The following PPARGC1A variants were observed in gnomAD, a reference collection of about 807,000 sequenced individuals.
PPARGC1A encodes the protein PPARG coactivator 1 alpha, also known as peroxisome proliferator-activated receptor gamma coactivator 1-alpha.
PPARGC1A carries 25 observed loss-of-function variants against 88.7 expected under a neutral mutation model. That is an observed-to-expected ratio of 0.28 (90% CI 0.21 to 0.39). The LOEUF (loss-of-function observed/expected upper bound fraction) is 0.39. PPARGC1A is among the 10% of genes least tolerant of loss of function. PPARGC1A has a pLI of 1.00. For missense variants in PPARGC1A, 880 were observed against 968.7 expected (o/e 0.91, Z 1.22); for synonymous variants, 363 against 355.6 (o/e 1.02, Z -0.24).
chr4:24,046,202 G>T, the PPARGC1A span, among the ~76,000 whole-genome samples: 1 of 152,130 alleles, frequency 6.6e-6, no homozygotes, highest in Non-Finnish European at 1.5e-5. Flanking sequence ...CTCACTAAAA[G>T]GAGTCAGGAA....
At chr4:24,179,677 T>C in the PPARGC1A span, among the ~76,000 whole-genome samples, 15 of 152,222 alleles carry the variant, frequency 9.9e-5, no homozygotes, top group East Asian at 5.8e-4. Flanking sequence ...CAAGCCCAAA[T>C]TGCAAAACCA....
At position 23,834,038 on chromosome 4, in the gene PPARGC1A, G is replaced by A. The variant is rs376319997; in HGVS notation, c.235-2287C>T. ...AAATTGGCTGGGCACGGTGGTTCAC[G>A]CCTATAATCCCAGCACTTTGGTAGG... On this transcript the variant is annotated intron_variant, in intron 2 of 12. Coordinates refer to ENST00000264867, the MANE Select transcript of PPARGC1A (RefSeq NM_013261.5). Among the ~76,000 whole-genome samples the A allele has an allele frequency of 7.6e-4, 115 of 152,246 alleles. 1 individual carries two copies. In the South Asian group the frequency reaches 0.012, roughly 15 times the overall value.
the PPARGC1A span, among the ~76,000 whole-genome samples, chr4:23,929,842 C>T: frequency 3.3e-5 from 5 of 152,194 alleles, no homozygotes. Context: ...TTTTATTTAG[C>T]ATTCATTGCG....
At chr4:24,463,068 C>A in the PPARGC1A span, among the ~76,000 whole-genome samples, 1 of 152,020 alleles carries the variant, frequency 6.6e-6, no homozygotes, top group African/African-American at 2.4e-5. Flanking sequence ...CGACTTCACA[C>A]GAAGCATCTT....
chr4:24,004,258 A>T, the PPARGC1A span, among the ~76,000 whole-genome samples: 2 of 152,208 alleles, frequency 1.3e-5, no homozygotes, highest in Admixed American at 1.3e-4. Context: ...TCCCAGTTGA[A>T]TAGAGAGGAA....
the PPARGC1A span, among the ~76,000 whole-genome samples, chr4:23,981,215 G>T: frequency 1.3e-4 from 19 of 151,982 alleles, no homozygotes; most frequent in African/African-American, 1.2e-4. Context: ...TTTAGTAAAA[G>T]TGAGTGACTT....
chr4:24,088,428 G>T, the PPARGC1A span, among the ~76,000 whole-genome samples: 45 of 151,980 alleles, frequency 3.0e-4, no homozygotes, highest in African/African-American at 8.7e-4. Flanking sequence ...AGAAGAAGAG[G>T]AGGAAACAAA....
the PPARGC1A span, among the ~76,000 whole-genome samples, chr4:24,156,725 T>G: frequency 6.6e-6 from 1 of 150,604 alleles, no homozygotes; most frequent in Non-Finnish European, 1.5e-5. Flanking sequence ...GTTGCGGTCT[T>G]TTCTCTCTCT....
At chr4:24,171,174 C>T in the PPARGC1A span, among the ~76,000 whole-genome samples, 1 of 152,200 alleles carries the variant, frequency 6.6e-6, no homozygotes, top group African/African-American at 2.4e-5. Context: ...CACTTTGGGA[C>T]ACTGAGACCG....
At chr4:24,028,366 C>A in the PPARGC1A span, among the ~76,000 whole-genome samples, 1 of 152,202 alleles carries the variant, frequency 6.6e-6, no homozygotes, top group South Asian at 2.1e-4. Flanking sequence ...TACCCCAAAT[C>A]ATTATCAAAG....
the PPARGC1A span, among the ~76,000 whole-genome samples, chr4:24,433,583 C>T: frequency 3.9e-5 from 6 of 152,114 alleles, no homozygotes; most frequent in African/African-American, 1.4e-4. Context: ...TGCCTCTTGC[C>T]TAAAGGATTA....
At chr4:24,151,474 C>T in the PPARGC1A span, among the ~76,000 whole-genome samples, 2 of 152,116 alleles carry the variant, frequency 1.3e-5, no homozygotes, top group Admixed American at 1.3e-4. Context: ...CCCAAAGGTC[C>T]ACCTCCATTT....
the PPARGC1A span, among the ~76,000 whole-genome samples, chr4:24,410,172 A>T: frequency 2.4e-4 from 36 of 152,348 alleles, no homozygotes; most frequent in African/African-American, 8.4e-4. Context: ...TGTGAAAATA[A>T]TTAATAAAAT....
At chr4:24,344,610 T>C in the PPARGC1A span, among the ~76,000 whole-genome samples, 2 of 152,102 alleles carry the variant, frequency 1.3e-5, no homozygotes, top group African/African-American at 4.8e-5. Context: ...TGTTTTTTTT[T>C]TCTTACTGAT....
chr4:24,248,857 A>G, the PPARGC1A span, among the ~76,000 whole-genome samples: 2 of 152,212 alleles, frequency 1.3e-5, no homozygotes, highest in African/African-American at 4.8e-5. Context: ...CCCTAAGGTC[A>G]GGAATGCACA....
At chr4:24,165,721 G>T in the PPARGC1A span, among the ~76,000 whole-genome samples, 1 of 152,112 alleles carries the variant, frequency 6.6e-6, no homozygotes, top group African/African-American at 2.4e-5. Flanking sequence ...GTATTAGGGT[G>T]CCATGATCCA....
chr4:24,462,178 C>T, the PPARGC1A span, among the ~76,000 whole-genome samples: 1 of 152,146 alleles, frequency 6.6e-6, no homozygotes, highest in African/African-American at 2.4e-5. Flanking sequence ...CTCTGTCTCC[C>T]CAGTTGAAGC....
the PPARGC1A span, among the ~76,000 whole-genome samples, chr4:24,462,082 T>TTTTG: frequency 4.0e-4 from 61 of 152,108 alleles, no homozygotes; most frequent in African/African-American, 1.3e-3. Flanking sequence ...GCAGCATGTT[T>TTTTG]TTTGTTTGTT....
chr4:23,832,333 A>G (rs914728425), intron 2 of PPARGC1A, among the ~76,000 whole-genome samples: 24 of 152,194 alleles, frequency 1.6e-4, no homozygotes, highest in Non-Finnish European at 3.4e-4. Flanking sequence ...AACTTTAGTC[A>G]TAAATCTCGA....
Sources: allele counts gnomAD v4.1 joint callset (sites outside exome capture counted in the v4.1 genomes callset), GRCh38; gene constraint gnomAD v4.1.1; transcripts MANE v1.5; gene names NCBI Gene and HGNC (gene_info 2026-07-23, HGNC 2026-07-21).